CNOT6L: variants seen among roughly 807,000 people sequenced by gnomAD.
CNOT6L encodes CCR4-NOT transcription complex subunit 6-like.
A neutral mutation model predicts 64.0 loss-of-function variants in CNOT6L; 7 were observed. The observed-to-expected ratio is 0.11, with a 90% CI of 0.06 to 0.21. CNOT6L has a LOEUF of 0.21. Ranked by LOEUF, CNOT6L falls within the 10% of genes least tolerant of loss-of-function variation. The probability of loss-of-function intolerance (pLI) is 1.00; values close to 1 mark genes in which losing one functional copy is unlikely to be tolerated. For missense variants in CNOT6L, 245 were observed against 669.0 expected, an observed-to-expected ratio of 0.37 and a Z score of 6.99; for synonymous variants, 193 against 243.4, an observed-to-expected ratio of 0.79 and a Z score of 1.93.
At chr4:77,732,879 G>T (rs1157567427) in intron 8 of CNOT6L, among the ~76,000 whole-genome samples, 5 of 152,034 alleles carry the variant, frequency 3.3e-5, no homozygotes, top group Admixed American at 1.3e-4. Context: ...GGTATCATTT[G>T]ATTTATGTTT....
upstream of CNOT6L, chr4:77,819,613 GGGCGGCGGCGGC>G (rs889653462): frequency 4.9e-5 from 8 of 163,408 alleles, no homozygotes; most frequent in East Asian, 3.7e-4. Context: ...GCCGGGGTCC[GGGCGGCGGCGGC>G]GGCGGCGGCG....
At chr4:77,752,767 A>G (rs554584655) in intron 5 of CNOT6L, among the ~76,000 whole-genome samples, 4 of 151,880 alleles carry the variant, frequency 2.6e-5, no homozygotes, top group Admixed American at 6.6e-5. Context: ...ATATTTGAGG[A>G]AAAAAAAGCA....
At chr4:77,737,178 T>C (rs979770709) in intron 8 of CNOT6L, among the ~76,000 whole-genome samples, 6 of 152,146 alleles carry the variant, frequency 3.9e-5, no homozygotes, top group African/African-American at 9.7e-5. Context: ...AAGACAATAG[T>C]ATAATCACAC....
At chr4:77,725,972 CAAG>C in intron 11 of CNOT6L, 192 bp downstream of exon 11, 3 of 301,030 alleles carry the variant, frequency 1.0e-5, no homozygotes, top group Non-Finnish European at 1.8e-5. Flanking sequence ...AGCAAGAGAG[CAAG>C]AAGAATTTAA....
intron 4 of CNOT6L, among the ~76,000 whole-genome samples, chr4:77,767,667 C>A (rs1409899371): frequency 6.6e-6 from 1 of 152,032 alleles, no homozygotes; most frequent in Non-Finnish European, 1.5e-5. Flanking sequence ...AATTAGACCC[C>A]TCATACTATA....
chr4:77,729,108 A>G, intron 9 of CNOT6L, 27 bp from the exon 10 acceptor site: 2 of 1,555,350 alleles, frequency 1.3e-6, no homozygotes, highest in Non-Finnish European at 1.8e-6. Flanking sequence ...CAAAAAGAAG[A>G]CAAAGTTATG....
chr4:77,741,735 A>G lies in CNOT6L; in HGVS notation c.872+406T>C, dbSNP rs1489174413. 2.0e-5 allele frequency among the ~76,000 whole-genome samples: 3 copies of G among 152,222 alleles called. No individual in the cohort carries two copies. In the East Asian group the frequency reaches 5.8e-4, roughly 29 times the overall value. ...TGCTCAGTATACATTTAGTGAATAA[A>G]TGATTTTAAAATGAATGATTCTCAA... On this transcript the variant is annotated intron_variant, in intron 8 of 11. Transcript: ENST00000504123.
intron 6 of CNOT6L, 45 bp from the exon 7 acceptor site, chr4:77,744,920 G>C: frequency 6.5e-7 from 1 of 1,545,292 alleles, no homozygotes; most frequent in Non-Finnish European, 8.7e-7. Flanking sequence ...GAGAAAATTA[G>C]GCAACTTTTT....
intron 4 of CNOT6L, among the ~76,000 whole-genome samples, chr4:77,772,691 G>A (rs1253308175): frequency 6.6e-6 from 1 of 152,136 alleles, no homozygotes; most frequent in Non-Finnish European, 1.5e-5. Flanking sequence ...GGGAGGCCGA[G>A]GCCGGCGGAT....
chr4:77,807,677 G>A (rs1732412036), intron 1 of CNOT6L, among the ~76,000 whole-genome samples: 1 of 152,190 alleles, frequency 6.6e-6, no homozygotes, highest in Non-Finnish European at 1.5e-5. Flanking sequence ...GTGAGAGAGA[G>A]TAGTAACAAA....
chr4:77,746,764 G>C (rs1377627186), intron 6 of CNOT6L, among the ~76,000 whole-genome samples: 1 of 152,116 alleles, frequency 6.6e-6, no homozygotes, highest in Non-Finnish European at 1.5e-5. Context: ...GAAAGGCCAA[G>C]TATAAAATAA....
At chr4:77,736,954 C>T (rs1047183656) in intron 8 of CNOT6L, among the ~76,000 whole-genome samples, 17 of 143,778 alleles carry the variant, frequency 1.2e-4, no homozygotes, top group African/African-American at 3.8e-4. Flanking sequence ...GCAAAAAGAA[C>T]ACGTCCAGAG....
At position 77,774,696 on chromosome 4, in the gene CNOT6L, T is replaced by C. The variant is rs774032380; in HGVS notation, c.148A>G (p.Thr50Ala). 2.5e-6 allele frequency: 4 copies of C among 1,607,136 alleles called. No individual in the cohort carries two copies. In the Admixed American group the frequency reaches 6.8e-5, roughly 27 times the overall value. ...EISGRVRSLSTSLWSLTHLTA... is the reference protein window; with the variant it reads ...EISGRVRSLSASLWSLTHLTA... ...AAGTGTGTCAATGACCAAAGTGATG[T>C]ACTTAGGCTCCGCACTCTACCTAAA... Residue 50 changes from threonine (T) to alanine (A), a missense_variant, in exon 3 of 12, where the codon ACA becomes GCA. By Grantham distance (58) the Thr-to-Ala change is moderately conservative. This residue lies in a region of CNOT6L where 78 missense variants were observed against 137.6 expected (regional missense o/e 0.57). Transcript: ENST00000504123.
intron 11 of CNOT6L, among the ~76,000 whole-genome samples, chr4:77,720,902 T>C (rs902589905): frequency 1.3e-5 from 2 of 152,182 alleles, no homozygotes. Context: ...ACACATTAAA[T>C]TATGTCTAGT....
At chr4:77,743,220 A>G (rs1488845473) in intron 7 of CNOT6L, among the ~76,000 whole-genome samples, 1 of 152,152 alleles carries the variant, frequency 6.6e-6, no homozygotes. Context: ...CTTCTCTAGA[A>G]TGATCTCTTT....
At chr4:77,804,214 A>C (rs1406516691) in intron 1 of CNOT6L, among the ~76,000 whole-genome samples, 1 of 151,976 alleles carries the variant, frequency 6.6e-6, no homozygotes, top group East Asian at 1.9e-4. Flanking sequence ...GATCACCTGA[A>C]GTCAGGAGTT....
rs1721178416 is a variant in CNOT6L at position 77,720,629 on chromosome 4, G to A, written c.1470C>T (p.Tyr490=). 2 of 1,613,220 alleles carry A rather than the reference G, an allele frequency of 1.2e-6. No homozygotes were observed. Among genetic ancestry groups the A allele is most frequent in the African/African-American group, 1.3e-5 (1 of 74,968 alleles). The change falls in exon 12 of 12, where the codon TAC becomes TAT. Residue 490 remains tyrosine, a synonymous_variant. Transcript: ENST00000504123. ...TCATATGAGTCTTGGAATAGAAAAT[G>A]TAGTCAATCACGCCCTGGAAAGAGA... The part of the protein sequence containing the change: ...YTFDFKGVID[Y]IFYSKTHMNV...
intron 7 of CNOT6L, among the ~76,000 whole-genome samples, 171 bp downstream of exon 7, chr4:77,744,547 T>C (rs1052890757): frequency 3.9e-5 from 6 of 152,250 alleles, no homozygotes; most frequent in African/African-American, 1.4e-4. Context: ...ATAGTTTCAC[T>C]ATGGAAATGT....
intron 1 of CNOT6L, among the ~76,000 whole-genome samples, chr4:77,806,242 A>G (rs1173123939): frequency 6.6e-6 from 1 of 152,064 alleles, no homozygotes; most frequent in Non-Finnish European, 1.5e-5. Flanking sequence ...CCTGACCAAC[A>G]TGGAGAAACC....
Sources: gnomAD v4.1 joint callset for allele counts (sites outside exome capture counted in the v4.1 genomes callset) on GRCh38, gnomAD v4.1.1 for gene constraint, gnomAD v4.1.1 regional missense constraint, MANE v1.5 for transcripts, NCBI Gene and HGNC (gene_info 2026-07-23, HGNC 2026-07-21) for gene names.